Variants in MON1B observed in about 807,000 individuals in gnomAD.
MON1B encodes the protein MON1 vesicular trafficking associated B, also known as vacuolar fusion protein MON1 homolog B.
Under a neutral mutation model 45.1 loss-of-function variants are expected in MON1B, and 26 were observed. The ratio of observed to expected loss-of-function variants is 0.58; its 90% CI spans 0.42 to 0.80. The LOEUF (loss-of-function observed/expected upper bound fraction) is 0.80. Ranked by LOEUF, MON1B falls within the 30% of genes least tolerant of loss-of-function variation. The pLI, the probability that MON1B is intolerant of heterozygous loss-of-function variation, is 0.00. For synonymous variants in MON1B, 395 were observed against 320.2 expected (o/e 1.23, Z -2.49); for missense variants, 737 against 754.5 (o/e 0.98, Z 0.27).
rs1411548625 is a variant in MON1B, at chr16:77,193,464, G to T, written c.162G>T (p.Lys54Asn). Reference sequence around the variant, plus strand: ...GCTCCCTTTCAGGATCCAAGGACAAGGACCAGCCACCCAGCCCATCACCAC... The same window carrying T: ...GCTCCCTTTCAGGATCCAAGGACAATGACCAGCCACCCAGCCCATCACCAC... ...EGLEETGSKD[K>N]DQPPSPSPPP... is the part of the protein sequence containing the mutation. The change falls in exon 3 of 6, where the codon AAG becomes AAT. Residue 54 changes from lysine (K) to asparagine (N), a missense_variant. Lys to Asn is a moderately conservative substitution (Grantham distance 94, BLOSUM62 0). Transcript: ENST00000248248. The surrounding 1 kb of genome is among the most constrained non-coding windows in gnomAD (Gnocchi z 5.0). The T allele has an allele frequency of 6.4e-7, 1 of 1,561,622 alleles. No individual in the cohort carries two copies. Among genetic ancestry groups the T allele is most frequent in the Admixed American group, 1.9e-5 (1 of 53,940 alleles).
At chr16:77,192,240 T>G (rs989576914) in intron 2 of MON1B, among the ~76,000 whole-genome samples, 1 of 152,204 alleles carries the variant, frequency 6.6e-6, no homozygotes, top group African/African-American at 2.4e-5. Flanking sequence ...GAAGGATCAG[T>G]GGACCTCACT....
In MON1B at chr16:77,198,504, G is replaced by A. The variant is rs2054691473; in HGVS notation, c.*196G>A. 10 of 616,526 alleles carry A rather than the reference G, an allele frequency of 1.6e-5. No homozygotes were observed. The highest frequency in any genetic ancestry group is 2.8e-5 in the Non-Finnish European group (10 of 351,736). 38.2% of individuals were successfully genotyped at this position (616,526 alleles called of 1,614,324 possible). A position where few individuals can be genotyped will look rare whatever the true frequency, so the allele number is the denominator to read the frequency against. ...GCGAGCAGGCTGCTTTCCCTGCCCAGTCATGCACCTCCCCCTCTGGGGAAA... is the reference window on the plus strand; with the variant it reads ...GCGAGCAGGCTGCTTTCCCTGCCCAATCATGCACCTCCCCCTCTGGGGAAA... On this transcript the variant is annotated 3_prime_UTR_variant, in exon 6 of 6. Coordinates refer to ENST00000248248, the MANE Select transcript of MON1B (RefSeq NM_014940.4).
At chr16:77,197,569 G>C (rs1182625602) in intron 5 of MON1B, among the ~76,000 whole-genome samples, 1 of 152,152 alleles carries the variant, frequency 6.6e-6, no homozygotes, top group Non-Finnish European at 1.5e-5. Context: ...GATATGCTAT[G>C]AGGTGGAACC....
In MON1B at chr16:77,194,311, C is replaced by T. The variant is rs200320121; in HGVS notation, c.476-24C>T. Reference sequence around the variant, plus strand: ...TCATTCCTGATCCAGCTGTACCCCCCCTTCTTACCCCTTCCTTCCCTAGAG... The same window carrying T: ...TCATTCCTGATCCAGCTGTACCCCCTCTTCTTACCCCTTCCTTCCCTAGAG... On this transcript the variant is annotated intron_variant, in intron 3 of 5. Coordinates refer to ENST00000248248, the MANE Select transcript of MON1B (RefSeq NM_014940.4). This position sits in a 1 kb window ranked among gnomAD's most constrained non-coding sequence, Gnocchi z 8.1. The T allele has an allele frequency of 2.1e-4, 329 of 1,588,322 alleles. No individual in the cohort carries two copies. The highest frequency in any genetic ancestry group is 2.3e-4 in the Non-Finnish European group (266 of 1,169,260).
chr16:77,194,240 TG>T lies in MON1B; in HGVS notation c.476-94del, dbSNP rs1199180367. On this transcript the variant is annotated intron_variant, in intron 3 of 5. Transcript: ENST00000248248. The surrounding 1 kb of genome is among the most constrained non-coding windows in gnomAD (Gnocchi z 8.1). ...TGAGCATGTGGACTCGGGCCTGGTG[TG>T]TGTATGGTAGGAGAGGGCAGAAGAG... 1 of 1,113,228 alleles carries T rather than the reference TG, an allele frequency of 9.0e-7. No homozygotes were observed. Among genetic ancestry groups the T allele is most frequent in the Non-Finnish European group, 1.4e-6 (1 of 738,068 alleles). The allele number at this position is 1,113,228 out of a possible 1,614,324, so 69.0% of individuals were successfully genotyped here. A position where few individuals can be genotyped will look rare whatever the true frequency, so the allele number is the denominator to read the frequency against.
intron 5 of MON1B, among the ~76,000 whole-genome samples, chr16:77,196,392 A>T (rs1389603962): frequency 6.6e-6 from 1 of 152,218 alleles, no homozygotes; most frequent in Non-Finnish European, 1.5e-5. Context: ...AAGAGTTATA[A>T]AGGGCGTGGT....
Position 77,199,530 on chromosome 16 carries a change from G to A in MON1B, c.*1222G>A, listed in dbSNP as rs1034593868. On this transcript the variant is annotated 3_prime_UTR_variant, in exon 6 of 6. Coordinates refer to ENST00000248248, the MANE Select transcript of MON1B (RefSeq NM_014940.4). ...GGCTGAAGGTAGTGAGGGCAAGTGG[G>A]CTGCACTCCTTTCTCTCCAACCAGG... 1 of 1,542,864 alleles carries A rather than the reference G, an allele frequency of 6.5e-7. No individual in the cohort carries two copies. The highest frequency in any genetic ancestry group is 8.8e-7 in the Non-Finnish European group (1 of 1,139,304).
In MON1B at chr16:77,198,350, C is replaced by G. The variant is rs750970423; in HGVS notation, c.*42C>G. The stretch of plus-strand genomic sequence containing the variant: ...ACCAGGCAGTGCTGGGAGCAACCAC[C>G]TTTGTTTTTTACCTTCTGTCTACCC... On this transcript the variant is annotated 3_prime_UTR_variant, in exon 6 of 6. Coordinates refer to ENST00000248248, the MANE Select transcript of MON1B (RefSeq NM_014940.4). The G allele has an allele frequency of 6.3e-7, 1 of 1,583,552 alleles. No individual in the cohort carries two copies. Among genetic ancestry groups the G allele is most frequent in the Admixed American group, 1.7e-5 (1 of 59,908 alleles).
intron 2 of MON1B, 109 bp downstream of exon 2, chr16:77,191,742 G>C (rs1169458758): frequency 3.8e-6 from 5 of 1,330,752 alleles, no homozygotes; most frequent in Non-Finnish European, 5.1e-6. Context: ...CTTAAGAGAA[G>C]TGGCTTAAAC....
chr16:77,195,226 A>G, intron 4 of MON1B, 72 bp downstream of exon 4: 1 of 1,375,678 alleles, frequency 7.3e-7, no homozygotes, highest in Non-Finnish European at 9.7e-7. Context: ...CATCTCAGGG[A>G]TGTGACTCAG....
Position 77,200,291 on chromosome 16 carries a change from T to TATATATACACAC in MON1B, c.*1984_*1985insTATATACACACA. On this transcript the variant is annotated 3_prime_UTR_variant, in exon 6 of 6. Transcript: ENST00000248248. ...ATATATGTGTATATATATATATATA[T>TATATATACACAC]ACACACACTAATCAGCCGGGCGCGG... The TATATATACACAC allele has an allele frequency of 8.1e-5, 9 of 111,426 alleles. No homozygotes were observed. Among genetic ancestry groups the TATATATACACAC allele is most frequent in the African/African-American group, 3.0e-4 (9 of 29,766 alleles). 6.9% of individuals were successfully genotyped at this position (111,426 alleles called of 1,614,324 possible). A position where few individuals can be genotyped will look rare whatever the true frequency, so the allele number is the denominator to read the frequency against.
chr16:77,198,428 T>A lies in MON1B; in HGVS notation c.*120T>A. 8.6e-7 allele frequency: 1 copy of A among 1,156,244 alleles called. No individual in the cohort carries two copies. The highest frequency in any genetic ancestry group is 1.2e-6 in the Non-Finnish European group (1 of 802,694). 71.6% of individuals were successfully genotyped at this position (1,156,244 alleles called of 1,614,324 possible). On this transcript the variant is annotated 3_prime_UTR_variant, in exon 6 of 6. Coordinates refer to ENST00000248248, the MANE Select transcript of MON1B (RefSeq NM_014940.4). ...GGCCAGTCATTGTCTCCCTAAGCAATGGGGCAAGGTCTGAGGGCCCACCGA... is the reference window on the plus strand; with the variant it reads ...GGCCAGTCATTGTCTCCCTAAGCAAAGGGGCAAGGTCTGAGGGCCCACCGA...
rs530752651 is a variant in MON1B at position 77,191,556 on chromosome 16, C to G, written c.71C>G (p.Pro24Arg). The change falls in exon 2 of 6, where the codon CCC (proline) becomes CGC (arginine). Residue 24 changes from proline (P) to arginine (R), a missense_variant. Transcript: ENST00000248248. ...GAGGACTTGGAGGACACGCAGTTCC[C>G]CAGTGAGGAAGCTAGAGAAGGTGGA... Reference protein sequence around the residue: ...GAEDLEDTQFPSEEAREGGGV... With the variant: ...GAEDLEDTQFRSEEAREGGGV... 3.7e-6 allele frequency: 6 copies of G among 1,609,218 alleles called. No homozygotes were observed. The African/African-American group carries it at 8.0e-5, about 22-fold the overall frequency.
In MON1B at chr16:77,198,565, C is replaced by A. The variant is rs533129059; in HGVS notation, c.*257C>A. On this transcript the variant is annotated 3_prime_UTR_variant, in exon 6 of 6. Transcript: ENST00000248248. ...TCCCTCTCCCTTCCCTCTGTCTCAT[C>A]TCCTCCACTTGGATGATGCTCTAGC... 12 of 523,408 alleles carry A rather than the reference C, an allele frequency of 2.3e-5. No homozygotes were observed. The highest frequency in any genetic ancestry group is 9.7e-5 in the Admixed American group (3 of 31,042). 32.4% of individuals were successfully genotyped at this position (523,408 alleles called of 1,614,324 possible). A position where few individuals can be genotyped will look rare whatever the true frequency, so the allele number is the denominator to read the frequency against.
chr16:77,195,751 C>A lies in MON1B; in HGVS notation c.1443+69C>A. ...GCCTCCTTTCCCTATATTGTATCCC[C>A]TCCAGCCACAGTGCCTCCACCAAAC... On this transcript the variant is annotated intron_variant, in intron 5 of 5. Transcript: ENST00000248248. 1.9e-6 allele frequency: 3 copies of A among 1,568,720 alleles called. No individual in the cohort carries two copies. In the South Asian group the frequency reaches 3.5e-5, roughly 18 times the overall value.
Position 77,193,548 on chromosome 16 carries a change from G to T in MON1B, c.246G>T (p.Glu82Asp). The T allele has an allele frequency of 6.2e-7, 1 of 1,613,970 alleles. No individual in the cohort carries two copies. Reference protein sequence around the residue: ...TSRLWSPAAPENSPTCSPESS... With the variant: ...TSRLWSPAAPDNSPTCSPESS... ...GGCTCTGGAGTCCTGCAGCCCCTGA[G>T]AATAGTCCCACATGTAGCCCTGAGA... Residue 82 changes from glutamate to aspartate, a missense_variant, in exon 3 of 6, where the codon GAG (glutamate) becomes GAT (aspartate). Coordinates refer to ENST00000248248, the MANE Select transcript of MON1B (RefSeq NM_014940.4). The surrounding 1 kb of genome is among the most constrained non-coding windows in gnomAD (Gnocchi z 5.0).
At chr16:77,195,186 T>C in intron 4 of MON1B, 32 bp downstream of exon 4, 16 of 1,490,408 alleles carry the variant, frequency 1.1e-5, no homozygotes, top group Non-Finnish European at 1.3e-5. Context: ...ACTGGCTGGG[T>C]GGGAAGGCCT....
chr16:77,191,321 G>A (rs1243470003), intron 1 of MON1B, 63 bp downstream of exon 1: 3 of 1,457,412 alleles, frequency 2.1e-6, no homozygotes, highest in African/African-American at 2.0e-5. Flanking sequence ...AAGTGTTGGA[G>A]GGGGGACGTA....
rs904441319 is a variant in MON1B at position 77,193,525 on chromosome 16, C to T, written c.223C>T (p.Leu75Phe). Residue 75 changes from leucine (L) to phenylalanine (F), a missense_variant, in exon 3 of 6, where the codon CTC becomes TTC. Physicochemically the swap from Leu to Phe is conservative, Grantham distance 22. Transcript: ENST00000248248. This position sits in a 1 kb window ranked among gnomAD's most constrained non-coding sequence, Gnocchi z 5.0. ...AGAGGCCCTGTCAAGCACCTCTCGGCTCTGGAGTCCTGCAGCCCCTGAGAA... is the reference window on the plus strand; with the variant it reads ...AGAGGCCCTGTCAAGCACCTCTCGGTTCTGGAGTCCTGCAGCCCCTGAGAA... Reference protein sequence around the residue: ...QSEALSSTSRLWSPAAPENSP... With the variant: ...QSEALSSTSRFWSPAAPENSP... The T allele has an allele frequency of 5.6e-6, 9 of 1,613,114 alleles. No individual in the cohort carries two copies. The highest frequency in any genetic ancestry group is 7.6e-6 in the Non-Finnish European group (9 of 1,179,360).
Sources: allele counts gnomAD v4.1 joint callset (sites outside exome capture counted in the v4.1 genomes callset), GRCh38; gene constraint gnomAD v4.1.1; non-coding constraint Gnocchi (gnomAD v3.1); transcripts MANE v1.5; gene names NCBI Gene and HGNC (gene_info 2026-07-23, HGNC 2026-07-21).